The following DNAH14 variants were observed in gnomAD, a reference collection of about 807,000 sequenced individuals.
DNAH14 encodes the protein axonemal beta dynein heavy chain 14.
DNAH14 carries 478 observed loss-of-function variants against 520.9 expected under a neutral mutation model. The ratio of observed to expected loss-of-function variants is 0.92; its 90% CI spans 0.85 to 0.99. DNAH14 has a LOEUF of 0.99. DNAH14 is among the 50% of genes least tolerant of loss of function. The pLI, the probability that DNAH14 is intolerant of heterozygous loss-of-function variation, is 0.00. For missense variants in DNAH14, 4,831 were observed against 5,234.5 expected, an observed-to-expected ratio of 0.92 and a Z score of 2.38; for synonymous variants, 1,581 against 1,757.2, an observed-to-expected ratio of 0.90 and a Z score of 2.51.
intron 23 of DNAH14, among the ~76,000 whole-genome samples, chr1:225,105,254 T>G (rs559788221): frequency 2.0e-5 from 3 of 152,298 alleles, no homozygotes; most frequent in Non-Finnish European, 1.5e-5. Context: ...TGAGAGACAG[T>G]TTGTTATAAT....
Position 225,185,319 on chromosome 1 carries a change from C to T in DNAH14, c.5564C>T (p.Pro1855Leu), listed in dbSNP as rs2084557355. 5 of 1,544,730 alleles carry T rather than the reference C, an allele frequency of 3.2e-6. No homozygotes were observed. Among genetic ancestry groups the T allele is most frequent in the African/African-American group, 1.4e-5 (1 of 72,610 alleles). ...QVCVGVMLVG[P>L]TGGGKTTVRR... ...TGTGTTGGTGTGATGTTAGTGGGCCCAACAGGTGGAGGAAAGACAACAGTC... is the reference window on the plus strand; with the variant it reads ...TGTGTTGGTGTGATGTTAGTGGGCCTAACAGGTGGAGGAAAGACAACAGTC... The change falls in exon 37 of 86, where the codon CCA (proline) becomes CTA (leucine). Residue 1855 changes from proline to leucine, a missense_variant. Physicochemically the swap from Pro to Leu is moderately conservative, Grantham distance 98. Coordinates refer to ENST00000682510, the MANE Select transcript of DNAH14 (RefSeq NM_001367479.1).
At chr1:225,387,310 C>T (rs924195985) in intron 81 of DNAH14, among the ~76,000 whole-genome samples, 12 of 152,044 alleles carry the variant, frequency 7.9e-5, no homozygotes, top group Non-Finnish European at 1.6e-4. Context: ...GGGTGCAGCT[C>T]ACCAACATGG....
intron 13 of DNAH14, among the ~76,000 whole-genome samples, chr1:225,043,454 C>G (rs529327794): frequency 7.9e-5 from 12 of 152,114 alleles, no homozygotes; most frequent in Non-Finnish European, 1.5e-4. Flanking sequence ...TTGTGCATGT[C>G]AGTAATGACA....
At chr1:225,061,946 A>T (rs1184683463) in intron 17 of DNAH14, among the ~76,000 whole-genome samples, 2 of 152,196 alleles carry the variant, frequency 1.3e-5, no homozygotes, top group Non-Finnish European at 2.9e-5. Flanking sequence ...TCTAGCCATG[A>T]TGGAGAAACA....
intron 1 of DNAH14, among the ~76,000 whole-genome samples, chr1:224,950,076 C>T (rs2060075913): frequency 6.6e-6 from 1 of 151,098 alleles, no homozygotes; most frequent in Admixed American, 6.6e-5. Flanking sequence ...CCTCCCTTTC[C>T]TCCCATCTTG....
rs546315750 is a variant in DNAH14 at position 225,159,258 on chromosome 1, C to CAAAT, written c.5274-56_5274-55insAAAT. On this transcript the variant is annotated intron_variant, in intron 34 of 85. Coordinates refer to ENST00000682510, the MANE Select transcript of DNAH14 (RefSeq NM_001367479.1). ...ACAGAATGTTAATGGTCTTCAGTGTCTGCAGAGCAGACTCCCTAATTTGTT... is the reference window on the plus strand; with the variant it reads ...ACAGAATGTTAATGGTCTTCAGTGTCAAATTGCAGAGCAGACTCCCTAATTTGTT... 220 of 1,416,430 alleles carry CAAAT rather than the reference C, an allele frequency of 1.6e-4. 1 individual carries two copies. In the African/African-American group the frequency reaches 2.6e-3, roughly 17 times the overall value. The allele number at this position is 1,416,430 out of a possible 1,614,324, so 87.7% of individuals were successfully genotyped here.
At chr1:225,309,187 C>G (rs2094307213) in intron 60 of DNAH14, among the ~76,000 whole-genome samples, 5 of 152,254 alleles carry the variant, frequency 3.3e-5, no homozygotes, top group Non-Finnish European at 7.4e-5. Flanking sequence ...TCTTGTCATA[C>G]CTAATTAGCT....
chr1:224,930,607 T>C (rs1175005635), intron 1 of DNAH14, among the ~76,000 whole-genome samples: 2 of 151,424 alleles, frequency 1.3e-5, no homozygotes, highest in Non-Finnish European at 1.5e-5. Flanking sequence ...ATACCATACT[T>C]TTTTTTTTGA....
intron 27 of DNAH14, among the ~76,000 whole-genome samples, chr1:225,127,650 G>A (rs2077888845): frequency 6.6e-6 from 1 of 152,108 alleles, no homozygotes; most frequent in Non-Finnish European, 1.5e-5. Context: ...GATGGTTCTT[G>A]ACTCTTTATC....
At chr1:225,059,969 T>C (rs2069786952) in intron 17 of DNAH14, among the ~76,000 whole-genome samples, 1 of 151,794 alleles carries the variant, frequency 6.6e-6, no homozygotes, top group African/African-American at 2.4e-5. Context: ...ATTTTTCCCT[T>C]CATTTCAACT....
intron 60 of DNAH14, among the ~76,000 whole-genome samples, chr1:225,311,917 T>G (rs1236264183): frequency 2.0e-5 from 3 of 152,202 alleles, no homozygotes; most frequent in African/African-American, 7.2e-5. Context: ...AGGATTGTCT[T>G]GGATATACAG....
At chr1:225,336,079 A>T (rs1029815596) in intron 66 of DNAH14, among the ~76,000 whole-genome samples, 3 of 144,910 alleles carry the variant, frequency 2.1e-5, no homozygotes, top group Non-Finnish European at 4.5e-5. Context: ...ACATACTTAT[A>T]TATACATATA....
At chr1:225,008,658 C>T (rs2064413491) in intron 10 of DNAH14, among the ~76,000 whole-genome samples, 1 of 147,676 alleles carries the variant, frequency 6.8e-6, no homozygotes, top group Admixed American at 6.9e-5. Context: ...ATCTCCTGAC[C>T]TCGTGATTCA....
intron 27 of DNAH14, 40 bp from the exon 28 acceptor site, chr1:225,140,728 T>TAG (rs554371106): frequency 0.015 from 19,055 of 1,308,216 alleles, 167 homozygotes; most frequent in Non-Finnish European, 0.017. Context: ...TATATATATA[T>TAG]AGAGAGAGAT....
chr1:225,306,866 ACCACTG>A lies in DNAH14; in HGVS notation c.9006-592_9006-587del, dbSNP rs984377687. Among the ~76,000 whole-genome samples, 23 of 151,704 alleles carry A rather than the reference ACCACTG, an allele frequency of 1.5e-4. No individual in the cohort carries two copies. The Middle Eastern group carries it at 0.01, about 67-fold the overall frequency. On this transcript the variant is annotated intron_variant, in intron 58 of 85. Coordinates refer to ENST00000682510, the MANE Select transcript of DNAH14 (RefSeq NM_001367479.1). ...GGTGGCAAAAGACAGGTTACAGTCC[ACCACTG>A]CCCGGCTCTTCTTTGCTACTTGGAA...
At chr1:225,112,847 T>C (rs1305194813) in intron 23 of DNAH14, among the ~76,000 whole-genome samples, 1 of 152,086 alleles carries the variant, frequency 6.6e-6, no homozygotes, top group Non-Finnish European at 1.5e-5. Flanking sequence ...TATATCAATT[T>C]CTTTGTTAAA....
At chr1:225,388,520 T>A (rs2095867171) in intron 82 of DNAH14, 29 bp downstream of exon 82, 1 of 1,345,408 alleles carries the variant, frequency 7.4e-7, no homozygotes. Context: ...TTACATTTCT[T>A]CCTCATTTTT....
In DNAH14 at chr1:225,257,989, T is replaced by A. The variant is rs1301923280; in HGVS notation, c.6895T>A (p.Ser2299Thr). 2 of 1,548,958 alleles carry A rather than the reference T, an allele frequency of 1.3e-6. No individual in the cohort carries two copies. The highest frequency in any genetic ancestry group is 1.7e-6 in the Non-Finnish European group (2 of 1,146,228). ...GTSLLTNLQR[S>T]GGNFLKITEC... The stretch of plus-strand genomic sequence containing the variant: ...TTCATTACTAACTAATCTTCAAAGA[T>A]CTGGCGGAAACTTCTTGAAGATAAC... Residue 2299 changes from serine to threonine, a missense_variant, in exon 45 of 86, where the codon TCT (serine) becomes ACT (threonine). Physicochemically the swap from Ser to Thr is moderately conservative, Grantham distance 58. Transcript: ENST00000682510.
At chr1:224,979,484 C>T (rs1035951758) in intron 8 of DNAH14, among the ~76,000 whole-genome samples, 1 of 152,208 alleles carries the variant, frequency 6.6e-6, no homozygotes, top group Non-Finnish European at 1.5e-5. Flanking sequence ...GTGGTTGGAA[C>T]TTGAGTTCCA....
Sources: allele counts gnomAD v4.1 joint callset (sites outside exome capture counted in the v4.1 genomes callset), GRCh38; gene constraint gnomAD v4.1.1; transcripts MANE v1.5; gene names NCBI Gene and HGNC (gene_info 2026-07-23, HGNC 2026-07-21).